CDKL5: variants seen among roughly 807,000 people sequenced by gnomAD.
CDKL5 encodes cyclin-dependent kinase-like 5.
In CDKL5, 8 loss-of-function variants were observed where a neutral mutation model predicts 61.7. The observed-to-expected ratio is 0.13, with a 90% CI of 0.08 to 0.23. The LOEUF (loss-of-function observed/expected upper bound fraction) is 0.23. Among genes scored for constraint, CDKL5 ranks in the 10% least tolerant of loss-of-function variants. CDKL5 has a pLI of 1.00. For synonymous variants in CDKL5, 275 were observed against 272.3 expected, an observed-to-expected ratio of 1.01 and a Z score of -0.10; for missense variants, 440 against 734.5, an observed-to-expected ratio of 0.60 and a Z score of 4.63.
chrX:18,502,510 G>T (rs1421402015), intron 1 of CDKL5, among the ~76,000 whole-genome samples: 1 of 111,290 alleles, frequency 9.0e-6, no homozygotes, highest in Admixed American at 9.6e-5. Context: ...CAGGAGGGGA[G>T]GTCAAGGCCT....
At chrX:18,493,542 G>A (rs756165267) in intron 1 of CDKL5, among the ~76,000 whole-genome samples, 1 of 112,521 alleles carries the variant, frequency 8.9e-6, no homozygotes, top group South Asian at 3.6e-4. Flanking sequence ...CATTTTGAAA[G>A]TCTTAAAGCA....
intron 9 of CDKL5, among the ~76,000 whole-genome samples, chrX:18,591,943 A>G (rs1359748072): frequency 1.8e-5 from 2 of 112,317 alleles, no homozygotes; most frequent in Admixed American, 9.4e-5. Context: ...TCCTCACTGG[A>G]CTGAGGAAAT....
intron 3 of CDKL5, among the ~76,000 whole-genome samples, chrX:18,542,649 T>C (rs1924062138): frequency 9.2e-6 from 1 of 108,623 alleles, no homozygotes; most frequent in African/African-American, 3.4e-5. Flanking sequence ...TCATGGTTCC[T>C]AATATGATGA....
intron 1 of CDKL5, among the ~76,000 whole-genome samples, chrX:18,441,301 G>C (rs187016915): frequency 3.6e-5 from 4 of 110,548 alleles, no homozygotes; most frequent in African/African-American, 1.3e-4. Flanking sequence ...CTGTAGTCCC[G>C]CTACTCAGGA....
intron 3 of CDKL5, among the ~76,000 whole-genome samples, chrX:18,527,030 G>A (rs183015973): frequency 3.5e-3 from 393 of 111,671 alleles, no homozygotes; most frequent in African/African-American, 0.012. Context: ...TGATCCGCCC[G>A]CCTCAGCCTC....
At chrX:18,510,912 A>T (rs1467310017) in intron 3 of CDKL5, 58 bp downstream of exon 3, 9 of 860,842 alleles carry the variant, frequency 1.0e-5, no homozygotes, top group Non-Finnish European at 1.5e-5. Context: ...TTTGAAACTA[A>T]TGTAGTGGTC....
chrX:18,456,949 T>C (rs1390507328), intron 1 of CDKL5, among the ~76,000 whole-genome samples: 1 of 111,302 alleles, frequency 9.0e-6, no homozygotes, highest in African/African-American at 3.3e-5. Flanking sequence ...GCCACAACAC[T>C]TCATCAGTAT....
chrX:18,575,650 T>A (rs974855337), intron 5 of CDKL5, among the ~76,000 whole-genome samples, 160 bp downstream of exon 5: 5 of 112,576 alleles, frequency 4.4e-5, no homozygotes, highest in Non-Finnish European at 9.4e-5. Flanking sequence ...CATTAGAAAT[T>A]CTGAAATATA....
chrX:18,429,380 A>G (rs961571540), intron 1 of CDKL5, among the ~76,000 whole-genome samples: 2 of 111,246 alleles, frequency 1.8e-5, no homozygotes, highest in Middle Eastern at 4.2e-3. Flanking sequence ...TACTCCATCT[A>G]TTGAGCCTTA....
At chrX:18,644,216 G>T (rs901175382), downstream of CDKL5, among the ~76,000 whole-genome samples, 6 of 111,009 alleles carry the variant, frequency 5.4e-5, no homozygotes, top group Non-Finnish European at 1.1e-4. Flanking sequence ...TTTTTTTTTT[G>T]AGCTTAAGAA....
intron 1 of CDKL5, chrX:18,457,658 C>G (rs1383332856): frequency 1.8e-5 from 2 of 110,681 alleles, no homozygotes; most frequent in Non-Finnish European, 3.8e-5. Flanking sequence ...CTCTGTTGCC[C>G]AGGCTGGAGT....
At chrX:18,645,050 G>A (rs1200502989), downstream of CDKL5, among the ~76,000 whole-genome samples, 3 of 112,032 alleles carry the variant, frequency 2.7e-5, no homozygotes, top group African/African-American at 9.7e-5. Context: ...TGTTTCCCTC[G>A]GTTGGTGACA....
intron 6 of CDKL5, 84 bp downstream of exon 6, chrX:18,580,052 A>G: frequency 2.3e-6 from 2 of 853,175 alleles, no homozygotes; most frequent in Non-Finnish European, 3.4e-6. Flanking sequence ...CTTTAAGAAT[A>G]TTTTCATAAG....
In CDKL5 at chrX:18,620,096, A is replaced by G. The variant is rs891724089; in HGVS notation, c.2376+130A>G. 8.8e-6 allele frequency: 4 copies of G among 454,951 alleles called. No homozygotes were observed. In the South Asian group the frequency reaches 1.0e-4, roughly 12 times the overall value. 37.5% of individuals were successfully genotyped at this position (454,951 alleles called of 1,213,427 possible). A position where few individuals can be genotyped will look rare whatever the true frequency, so the allele number is the denominator to read the frequency against. ...AGACTTGACATTTTTGCACTGTATT[A>G]TGTCTCTTTCTGAAATTCTTTACAA... On this transcript the variant is annotated intron_variant, in intron 16 of 17. Coordinates refer to ENST00000623535, the MANE Select transcript of CDKL5 (RefSeq NM_001323289.2).
rs1446044842 is a variant in CDKL5, at chrX:18,653,406, C to T, written c.2981-26C>T. The stretch of plus-strand genomic sequence containing the variant: ...TAGCGCTCCTGGCAGCTCTGAGTGA[C>T]CCCGCTGTCCTTCTGTGCTTTCCAG... On this transcript the variant is annotated intron_variant, in intron 21 of 21. Coordinates refer to the CDKL5 transcript ENST00000379989. 7 of 1,207,334 alleles carry T rather than the reference C, an allele frequency of 5.8e-6. No individual in the cohort carries two copies. The South Asian group carries it at 1.2e-4, about 21-fold the overall frequency.
At chrX:18,540,602 T>C (rs961749234) in intron 3 of CDKL5, among the ~76,000 whole-genome samples, 1 of 112,261 alleles carries the variant, frequency 8.9e-6, no homozygotes. Context: ...TCCTGAATGG[T>C]ATTTTTGCTT....
chrX:18,562,293 A>G (rs186650452), intron 3 of CDKL5, among the ~76,000 whole-genome samples: 4 of 111,776 alleles, frequency 3.6e-5, no homozygotes, highest in East Asian at 2.8e-4. Context: ...CTTTGAACCA[A>G]TTATATCACT....
chrX:18,447,843 CT>C (rs1307608915), intron 1 of CDKL5, among the ~76,000 whole-genome samples: 11 of 105,680 alleles, frequency 1.0e-4, no homozygotes, highest in Admixed American at 2.0e-4. Flanking sequence ...TTTCTAAATT[CT>C]TTTTTTTTTT....
chrX:18,459,626 T>G (rs1249407494), intron 1 of CDKL5, among the ~76,000 whole-genome samples: 1 of 108,406 alleles, frequency 9.2e-6, no homozygotes, highest in Non-Finnish European at 1.9e-5. Context: ...AGGTTTAATA[T>G]GTTCATGGAT....
Sources: allele counts gnomAD v4.1 joint callset (sites outside exome capture counted in the v4.1 genomes callset), GRCh38; gene constraint gnomAD v4.1.1; transcripts MANE v1.5; gene names NCBI Gene and HGNC (gene_info 2026-07-23, HGNC 2026-07-21).